HECW2: variants seen among roughly 807,000 people sequenced by gnomAD.
The protein encoded by HECW2 is HECT, C2 and WW domain containing E3 ubiquitin protein ligase 2.
In HECW2, 61 loss-of-function variants were observed where a neutral mutation model predicts 175.2. That is an observed-to-expected ratio of 0.35 (90% CI 0.28 to 0.43). The LOEUF is 0.43. HECW2 is among the 20% of genes least tolerant of loss of function. The probability of loss-of-function intolerance (pLI) is 1.00; values close to 1 mark genes in which losing one functional copy is unlikely to be tolerated. For missense variants in HECW2, 1,524 were observed against 2,000.5 expected (o/e 0.76, Z 4.54); for synonymous variants, 671 against 731.0 (o/e 0.92, Z 1.32).
At chr2:196,490,531 G>A (rs150331506) in intron 1 of HECW2, among the ~76,000 whole-genome samples, 11 of 152,232 alleles carry the variant, frequency 7.2e-5, no homozygotes, top group African/African-American at 2.6e-4. Flanking sequence ...AAGTCACTCT[G>A]GAAAATAGGC....
chr2:196,563,979 G>T (rs751315368), intron 1 of HECW2, among the ~76,000 whole-genome samples: 68 of 152,164 alleles, frequency 4.5e-4, no homozygotes, highest in Non-Finnish European at 8.2e-4. Flanking sequence ...TCATCCCAGA[G>T]ACTATTTACT....
At chr2:196,508,566 A>C (rs1446250842) in intron 1 of HECW2, among the ~76,000 whole-genome samples, 1 of 152,194 alleles carries the variant, frequency 6.6e-6, no homozygotes, top group East Asian at 1.9e-4. Context: ...ATAATAAGAA[A>C]GAACAGTATT....
intron 1 of HECW2, among the ~76,000 whole-genome samples, chr2:196,571,964 T>A (rs1307723941): frequency 6.6e-6 from 1 of 152,156 alleles, no homozygotes; most frequent in Non-Finnish European, 1.5e-5. Context: ...GGGAAGGAAA[T>A]TCTGACACAT....
intron 2 of HECW2, among the ~76,000 whole-genome samples, chr2:196,366,815 T>G (rs964544379): frequency 1.3e-5 from 2 of 152,212 alleles, no homozygotes; most frequent in African/African-American, 4.8e-5. Context: ...CTAATTCAAT[T>G]TATAACTCTT....
At chr2:196,347,573 T>G (rs1245830360) in intron 2 of HECW2, among the ~76,000 whole-genome samples, 2 of 152,170 alleles carry the variant, frequency 1.3e-5, no homozygotes, top group East Asian at 1.9e-4. Context: ...ATGGGTAAAT[T>G]GTACCATGAG....
intron 2 of HECW2, among the ~76,000 whole-genome samples, chr2:196,366,847 C>A (rs1693757998): frequency 6.6e-6 from 1 of 152,174 alleles, no homozygotes; most frequent in African/African-American, 2.4e-5. Context: ...TTAATGGGTT[C>A]TTCAGCTATG....
In HECW2 at chr2:196,200,115, T is replaced by C. The variant is rs1418240008; in HGVS notation, c.*1162A>G. 1 of 152,650 alleles carries C rather than the reference T, an allele frequency of 6.6e-6. No homozygotes were observed. Among genetic ancestry groups the C allele is most frequent in the Non-Finnish European group, 1.5e-5 (1 of 68,030 alleles). The allele number at this position is 152,650 out of a possible 1,614,324, so 9.5% of individuals were successfully genotyped here. On this transcript the variant is annotated 3_prime_UTR_variant, in exon 29 of 29. Coordinates refer to ENST00000644978, the MANE Select transcript of HECW2 (RefSeq NM_001348768.2). ...GGATGGAAGAGAGTCTAATGCATTT[T>C]AAATAAATGCATATCATACTATCAC... is the stretch of plus-strand genomic sequence containing the variant.
chr2:196,271,652 C>A (rs1294490209), intron 16 of HECW2, among the ~76,000 whole-genome samples: 1 of 152,066 alleles, frequency 6.6e-6, no homozygotes, highest in Non-Finnish European at 1.5e-5. Context: ...CGCCTGTAAC[C>A]CCAGCACTTT....
At chr2:196,588,321 T>C (rs1691061262) in intron 1 of HECW2, among the ~76,000 whole-genome samples, 1 of 152,208 alleles carries the variant, frequency 6.6e-6, no homozygotes. Context: ...AATAAATGAA[T>C]GGATGAATGA....
At chr2:196,207,705 C>T (rs1687120888) in intron 28 of HECW2, among the ~76,000 whole-genome samples, 1 of 152,178 alleles carries the variant, frequency 6.6e-6, no homozygotes, top group African/African-American at 2.4e-5. Flanking sequence ...ACGTATATCT[C>T]CCACAAGGTT....
At chr2:196,317,695 TA>T (rs5837501) in intron 9 of HECW2, among the ~76,000 whole-genome samples, 29,493 of 145,044 alleles carry the variant, frequency 0.2, 3,037 homozygotes, top group Middle Eastern at 0.31. Context: ...AAACAAAATT[TA>T]AAAAAAAAAA....
At chr2:196,463,069 G>A (rs1696811063) in intron 1 of HECW2, among the ~76,000 whole-genome samples, 1 of 152,168 alleles carries the variant, frequency 6.6e-6, no homozygotes, top group South Asian at 2.1e-4. Context: ...TCACTAAGTG[G>A]CAATTAGTCA....
At chr2:196,571,335 T>C (rs1487141957) in intron 1 of HECW2, among the ~76,000 whole-genome samples, 4 of 152,178 alleles carry the variant, frequency 2.6e-5, no homozygotes, top group African/African-American at 9.7e-5. Context: ...CAGCAAACAA[T>C]ACTTAGTTGT....
intron 19 of HECW2, chr2:196,242,551 C>T (rs994122857): frequency 2.2e-5 from 5 of 227,050 alleles, no homozygotes; most frequent in Non-Finnish European, 8.8e-6. Flanking sequence ...TCTTTGCTTG[C>T]TGCTGAAATG....
At chr2:196,579,084 T>C (rs540696437) in intron 1 of HECW2, among the ~76,000 whole-genome samples, 7 of 152,294 alleles carry the variant, frequency 4.6e-5, no homozygotes, top group Admixed American at 1.3e-4. Flanking sequence ...AAGTGAAGTA[T>C]TGGAGTGAAG....
chr2:196,526,899 C>T (rs367913608), intron 1 of HECW2, among the ~76,000 whole-genome samples: 2 of 151,912 alleles, frequency 1.3e-5, no homozygotes, highest in African/African-American at 4.8e-5. Flanking sequence ...GACAGGGACA[C>T]TTAAGTCTGC....
At chr2:196,426,128 T>G (rs1427383731) in intron 2 of HECW2, among the ~76,000 whole-genome samples, 1 of 152,166 alleles carries the variant, frequency 6.6e-6, no homozygotes, top group East Asian at 1.9e-4. Flanking sequence ...GATAAAGTCT[T>G]TTTAAGTTAA....
At chr2:196,465,918 T>A (rs1465142199) in intron 1 of HECW2, among the ~76,000 whole-genome samples, 2 of 152,124 alleles carry the variant, frequency 1.3e-5, no homozygotes, top group Non-Finnish European at 2.9e-5. Flanking sequence ...TTATTGAACA[T>A]TTGCTATTCA....
intron 1 of HECW2, among the ~76,000 whole-genome samples, chr2:196,476,763 A>G (rs1040549867): frequency 2.6e-5 from 4 of 152,140 alleles, no homozygotes; most frequent in Admixed American, 2.6e-4. Flanking sequence ...TCAGAAAAGA[A>G]GGGAGCTTAA....
Sources: allele counts gnomAD v4.1 joint callset (sites outside exome capture counted in the v4.1 genomes callset), GRCh38; gene constraint gnomAD v4.1.1; transcripts MANE v1.5; gene names NCBI Gene and HGNC (gene_info 2026-07-23, HGNC 2026-07-21).